The following APC variants were observed in gnomAD, a reference collection of about 807,000 sequenced individuals.
APC encodes APC regulator of Wnt signaling pathway.
A neutral mutation model predicts 247.0 loss-of-function variants in APC; 72 were observed. That is an observed-to-expected ratio of 0.29 (90% CI 0.24 to 0.35). APC has a LOEUF of 0.35. Ranked by LOEUF, APC falls within the 10% of genes least tolerant of loss-of-function variation. The pLI, the probability that APC is intolerant of heterozygous loss-of-function variation, is 1.00. For missense variants in APC, 3,400 were observed against 3,360.7 expected (o/e 1.01, Z -0.29); for synonymous variants, 1,254 against 1,162.5 (o/e 1.08, Z -1.60).
At chr5:112,764,804 C>A (rs1414536080) in intron 2 of APC, among the ~76,000 whole-genome samples, 1 of 152,070 alleles carries the variant, frequency 6.6e-6, no homozygotes, top group Non-Finnish European at 1.5e-5. Flanking sequence ...GAATTGGAAT[C>A]CTGGAAAAAT....
chr5:112,708,018 C>T (rs1750627871), intron 1 of APC: 2 of 908,336 alleles, frequency 2.2e-6, no homozygotes, highest in Non-Finnish European at 2.9e-6. Flanking sequence ...TCTCCCCTCC[C>T]CGCACTCCCC....
At chr5:112,712,720 G>A (rs763484320) in intron 1 of APC, among the ~76,000 whole-genome samples, 6 of 152,100 alleles carry the variant, frequency 3.9e-5, no homozygotes, top group Non-Finnish European at 8.8e-5. Context: ...CTCTTCCCCC[G>A]ATTTCTCTTT....
intron 1 of APC, among the ~76,000 whole-genome samples, chr5:112,745,128 C>CTA (rs199713451): frequency 9.5e-6 from 1 of 105,044 alleles, no homozygotes; most frequent in Admixed American, 1.1e-4. Context: ...AAATAATATG[C>CTA]TGGTCAGTTA....
intron 2 of APC, among the ~76,000 whole-genome samples, chr5:112,764,896 C>T (rs1283258523): frequency 1.3e-5 from 2 of 152,124 alleles, no homozygotes; most frequent in Non-Finnish European, 2.9e-5. Context: ...TGGGCATATT[C>T]AAATTCAGTA....
chr5:112,765,260 A>G (rs1197861507), intron 2 of APC, among the ~76,000 whole-genome samples: 1 of 151,588 alleles, frequency 6.6e-6, no homozygotes, highest in African/African-American at 2.4e-5. Context: ...ACATGCCACC[A>G]CTCATGGTTT....
chr5:112,754,481 GAAATA>G (rs1754731501), intron 1 of APC, among the ~76,000 whole-genome samples: 1 of 151,980 alleles, frequency 6.6e-6, no homozygotes, highest in Non-Finnish European at 1.5e-5. Flanking sequence ...ATAAAATTCA[GAAATA>G]AAATAGTATT....
At chr5:112,827,274 A>C (rs1763802139) in intron 12 of APC, 27 bp downstream of exon 12, 1 of 1,612,848 alleles carries the variant, frequency 6.2e-7, no homozygotes, top group Non-Finnish European at 8.5e-7. Flanking sequence ...TGTATTTCTT[A>C]AGATAGCTCA....
chr5:112,797,857 A>G (rs1760376202), intron 7 of APC, among the ~76,000 whole-genome samples: 2 of 152,218 alleles, frequency 1.3e-5, no homozygotes, highest in South Asian at 4.1e-4. Context: ...TCATTAAGGA[A>G]ATGCAAATCA....
chr5:112,756,682 T>G (rs1046855487), intron 2 of APC, among the ~76,000 whole-genome samples: 1 of 152,184 alleles, frequency 6.6e-6, no homozygotes, highest in African/African-American at 2.4e-5. Flanking sequence ...AAACTCATAT[T>G]TGAGAGACAA....
At chr5:112,831,173 A>T (rs1279637324) in intron 14 of APC, among the ~76,000 whole-genome samples, 1 of 151,468 alleles carries the variant, frequency 6.6e-6, no homozygotes, top group African/African-American at 2.4e-5. Flanking sequence ...CAGTGGCAGG[A>T]TCTCGGCTAA....
intron 1 of APC, among the ~76,000 whole-genome samples, chr5:112,713,058 C>T (rs1215799404): frequency 6.6e-6 from 1 of 151,656 alleles, no homozygotes; most frequent in East Asian, 1.9e-4. Flanking sequence ...GTAATCCCCA[C>T]TACTCAGGAG....
upstream of APC, among the ~76,000 whole-genome samples, chr5:112,733,752 C>G (rs774990025): frequency 1.3e-5 from 2 of 152,128 alleles, no homozygotes; most frequent in African/African-American, 4.8e-5. Flanking sequence ...ACATTTAATA[C>G]GCCTAGGAAC....
intron 1 of APC, among the ~76,000 whole-genome samples, chr5:112,753,270 C>T (rs536636183): frequency 5.9e-5 from 9 of 152,080 alleles, no homozygotes; most frequent in Non-Finnish European, 1.2e-4. Context: ...GAGATGTCTC[C>T]TTTGGCTGCA....
chr5:112,719,021 A>G (rs1751337040), intron 1 of APC, among the ~76,000 whole-genome samples: 1 of 152,216 alleles, frequency 6.6e-6, no homozygotes, highest in Admixed American at 6.5e-5. Flanking sequence ...TGACCGGAGA[A>G]GCAAAAAATA....
chr5:112,814,964 T>C (rs1033097696), intron 8 of APC, among the ~76,000 whole-genome samples: 6 of 152,232 alleles, frequency 3.9e-5, no homozygotes, highest in Non-Finnish European at 8.8e-5. Flanking sequence ...CTTCCTGTTT[T>C]CCCTCAGTGT....
In APC at chr5:112,844,939, A is replaced by G. The variant is rs934299560; in HGVS notation, c.*813A>G. ...AGACATGAATTGTGTCTCAACAGAAACTAAATGAACATTTCAGAATAAATT... is the reference window on the plus strand; with the variant it reads ...AGACATGAATTGTGTCTCAACAGAAGCTAAATGAACATTTCAGAATAAATT... On this transcript the variant is annotated 3_prime_UTR_variant, in exon 16 of 16. Coordinates refer to ENST00000257430, the MANE Select transcript of APC (RefSeq NM_000038.6). 8 of 232,556 alleles carry G rather than the reference A, an allele frequency of 3.4e-5. No homozygotes were observed. Among genetic ancestry groups the G allele is most frequent in the African/African-American group, 1.1e-4 (5 of 45,300 alleles). The allele number at this position is 232,556 out of a possible 1,614,324, so 14.4% of individuals were successfully genotyped here. A position where few individuals can be genotyped will look rare whatever the true frequency, so the allele number is the denominator to read the frequency against.
chr5:112,819,101 A>G lies in APC; in HGVS notation c.1069A>G (p.Ile357Val), dbSNP rs1297299413. Residue 357 changes from isoleucine (I) to valine (V), a missense_variant, in exon 10 of 16, where the codon ATC (isoleucine) becomes GTC (valine). By Grantham distance (29) the Ile-to-Val change is conservative (BLOSUM62 3). Around this residue, in one of 9 missense-constraint regions of APC, gnomAD observed 199 missense variants for 212.5 expected, o/e 0.94. Transcript: ENST00000257430. ...ACAGTCTGGATGTCTTCCTCTCCTC[A>G]TCCAGCTTTTACATGGCAATGACAA... ...MRQSGCLPLL[I>V]QLLHGNDKDS... 1.9e-6 allele frequency: 3 copies of G among 1,614,090 alleles called. No individual in the cohort carries two copies. The highest frequency in any genetic ancestry group is 1.7e-6 in the Non-Finnish European group (2 of 1,179,996).
At position 112,767,303 on chromosome 5, in the gene APC, C is replaced by G. The variant is rs1060503357; in HGVS notation, c.335C>G (p.Pro112Arg). The G allele has an allele frequency of 6.2e-7, 1 of 1,614,120 alleles. No homozygotes were observed. The highest frequency in any genetic ancestry group is 8.5e-7 in the Non-Finnish European group (1 of 1,179,992). Residue 112 changes from proline to arginine, a missense_variant, in exon 4 of 16, where the codon CCT (proline) becomes CGT (arginine). Around this residue, in one of 9 missense-constraint regions of APC, gnomAD observed 372 missense variants for 367.6 expected, o/e 1.01. Coordinates refer to ENST00000257430, the MANE Select transcript of APC (RefSeq NM_000038.6). ...SVSSRSGECS[P>R]VPMGSFPRRG... ...TCAAGCCGTTCTGGAGAGTGCAGTC[C>G]TGTTCCTATGGGTTCATTTCCAAGA... is the stretch of plus-strand genomic sequence containing the variant.
In APC at chr5:112,812,245, G is replaced by A. The variant is rs368898103; in HGVS notation, c.835-3250G>A. Among the ~76,000 whole-genome samples the A allele has an allele frequency of 2.8e-4, 42 of 152,156 alleles. 1 individual carries two copies. Among genetic ancestry groups the A allele is most frequent in the African/African-American group, 9.9e-4 (41 of 41,440 alleles). On this transcript the variant is annotated intron_variant, in intron 8 of 15. Transcript: ENST00000257430. ...CCAGGAGGCAAAGATCTATCTTAGA[G>A]GCTACCTACAAACAGTAAAAATATT...
Sources: allele counts gnomAD v4.1 joint callset (sites outside exome capture counted in the v4.1 genomes callset), GRCh38; gene constraint gnomAD v4.1.1; regional missense constraint gnomAD v4.1.1; transcripts MANE v1.5; gene names NCBI Gene and HGNC (gene_info 2026-07-23, HGNC 2026-07-21).